PTGER3: variants seen among roughly 807,000 people sequenced by gnomAD.
PTGER3 encodes prostaglandin E2 receptor EP3 subtype.
Under a neutral mutation model 34.7 loss-of-function variants are expected in PTGER3, and 22 were observed. The observed-to-expected ratio is 0.63, with a 90% CI of 0.45 to 0.91. The LOEUF is 0.91. Among genes scored for constraint, PTGER3 ranks in the 40% least tolerant of loss-of-function variants. The pLI, the probability that PTGER3 is intolerant of heterozygous loss-of-function variation, is 0.00. For synonymous variants in PTGER3, 241 were observed against 230.1 expected, an observed-to-expected ratio of 1.05 and a Z score of -0.43; for missense variants, 468 against 519.4, an observed-to-expected ratio of 0.90 and a Z score of 0.96.
chr1:70,947,596 A>G (rs542034022), downstream of PTGER3: 1 of 152,242 alleles, frequency 6.6e-6, no homozygotes, highest in East Asian at 1.9e-4. Flanking sequence ...TTTTTCTGAA[A>G]GTAAAGGAGA....
chr1:71,036,193 G>A (rs1308651817), intron 1 of PTGER3, among the ~76,000 whole-genome samples: 3 of 152,154 alleles, frequency 2.0e-5, no homozygotes, highest in Non-Finnish European at 4.4e-5. Flanking sequence ...GTGGTCACTT[G>A]GGAAGAGGTA....
At chr1:71,008,059 A>G (rs1657119416) in intron 2 of PTGER3, 2 of 983,556 alleles carry the variant, frequency 2.0e-6, no homozygotes, top group African/African-American at 1.7e-5. Flanking sequence ...ATATGAAGTT[A>G]TTATCTCTCC....
intron 2 of PTGER3, among the ~76,000 whole-genome samples, chr1:70,975,075 T>C (rs370159390): frequency 2.6e-5 from 4 of 152,200 alleles, no homozygotes; most frequent in African/African-American, 9.7e-5. Context: ...CTATTTTTTC[T>C]TTCAGGAACT....
chr1:70,986,564 T>C (rs1184922830), intron 2 of PTGER3, among the ~76,000 whole-genome samples: 1 of 152,140 alleles, frequency 6.6e-6, no homozygotes, highest in Non-Finnish European at 1.5e-5. Context: ...AGGAAACTGT[T>C]CCCAGATTTC....
intron 4 of PTGER3, among the ~76,000 whole-genome samples, chr1:70,861,386 T>C (rs1237720101): frequency 6.6e-6 from 1 of 152,192 alleles, no homozygotes; most frequent in African/African-American, 2.4e-5. Context: ...CATTCAAAGT[T>C]TAATAATCAG....
At chr1:70,958,277 G>C (rs1651566920) in intron 2 of PTGER3, among the ~76,000 whole-genome samples, 1 of 152,116 alleles carries the variant, frequency 6.6e-6, no homozygotes, top group African/African-American at 2.4e-5. Context: ...ACTTTATACT[G>C]TTTTCCATAA....
At chr1:70,899,923 A>G (rs1378821530) in intron 4 of PTGER3, among the ~76,000 whole-genome samples, 2 of 152,132 alleles carry the variant, frequency 1.3e-5, no homozygotes, top group African/African-American at 4.8e-5. Context: ...ATACTTCACT[A>G]GACTTTCTGG....
intron 2 of PTGER3, among the ~76,000 whole-genome samples, chr1:70,981,483 AGCTCAT>A (rs1654361946): frequency 6.6e-6 from 1 of 150,866 alleles, no homozygotes; most frequent in Admixed American, 6.6e-5. Flanking sequence ...GCACAATCAC[AGCTCAT>A]TACAACCTGA....
chr1:70,906,813 C>T (rs1646957996), intron 4 of PTGER3, among the ~76,000 whole-genome samples: 1 of 152,072 alleles, frequency 6.6e-6, no homozygotes, highest in African/African-American at 2.4e-5. Flanking sequence ...CATGCATTTC[C>T]ACAAATTGGC....
intron 1 of PTGER3, among the ~76,000 whole-genome samples, chr1:71,043,647 C>T (rs983308490): frequency 2.9e-4 from 44 of 152,106 alleles, no homozygotes; most frequent in Admixed American, 1.7e-3. Context: ...GAAAAAACAG[C>T]GTTAATCTCT....
downstream of PTGER3, among the ~76,000 whole-genome samples, chr1:70,969,770 C>T (rs1309694843): frequency 1.3e-5 from 2 of 152,048 alleles, no homozygotes. Context: ...ACATTTAAAC[C>T]CACAGAGTCA....
intron 4 of PTGER3, among the ~76,000 whole-genome samples, chr1:70,865,331 A>G (rs765059682): frequency 5.3e-5 from 8 of 152,156 alleles, no homozygotes; most frequent in Non-Finnish European, 1.2e-4. Context: ...ATACCACCCC[A>G]GCAGTAGTGA....
intron 2 of PTGER3, among the ~76,000 whole-genome samples, chr1:70,959,008 G>C (rs1331547690): frequency 6.6e-6 from 1 of 151,962 alleles, no homozygotes; most frequent in South Asian, 2.1e-4. Flanking sequence ...TTTATTTCTT[G>C]GTTCTCTATT....
At chr1:70,952,377 A>C (rs912513348), downstream of PTGER3, 4 of 971,904 alleles carry the variant, frequency 4.1e-6, no homozygotes, top group African/African-American at 3.5e-5. Context: ...TTGTTAATTC[A>C]AGGTTAATGT....
chr1:71,012,851 A>T (rs977851186), intron 1 of PTGER3, among the ~76,000 whole-genome samples: 4 of 152,226 alleles, frequency 2.6e-5, no homozygotes, highest in African/African-American at 9.6e-5. Context: ...TAACAAAAAC[A>T]TCTTAATCTT....
At chr1:70,982,588 T>C (rs903138897) in intron 2 of PTGER3, among the ~76,000 whole-genome samples, 1 of 152,182 alleles carries the variant, frequency 6.6e-6, no homozygotes, top group Non-Finnish European at 1.5e-5. Flanking sequence ...CTTATTTTTC[T>C]ATTAGCCTTA....
chr1:70,933,079 A>G (rs12067214), intron 4 of PTGER3, among the ~76,000 whole-genome samples: 41,223 of 151,992 alleles, frequency 0.27, 6,160 homozygotes, highest in African/African-American at 0.4. Flanking sequence ...TTCTATAACT[A>G]GACCATGAGC....
At chr1:70,986,914 C>T (rs974577442) in intron 2 of PTGER3, among the ~76,000 whole-genome samples, 2 of 152,192 alleles carry the variant, frequency 1.3e-5, no homozygotes, top group African/African-American at 4.8e-5. Context: ...TACCTCCTAG[C>T]TCCTGCTCCA....
chr1:71,000,138 G>A (rs1320467084), intron 2 of PTGER3, among the ~76,000 whole-genome samples: 8 of 152,252 alleles, frequency 5.3e-5, no homozygotes, highest in Middle Eastern at 6.8e-3. Flanking sequence ...ACAAACCCTC[G>A]AAGATAAACT....
Sources: gnomAD v4.1 joint callset for allele counts (sites outside exome capture counted in the v4.1 genomes callset) on GRCh38, gnomAD v4.1.1 for gene constraint, MANE v1.5 for transcripts, NCBI Gene and HGNC (gene_info 2026-07-23, HGNC 2026-07-21) for gene names.